KLF13: variants seen among roughly 807,000 people sequenced by gnomAD.
KLF13 encodes Krueppel-like factor 13.
KLF13 carries 8 observed loss-of-function variants against 16.7 expected under a neutral mutation model. The ratio of observed to expected loss-of-function variants is 0.48; its 90% CI spans 0.28 to 0.87. The LOEUF (loss-of-function observed/expected upper bound fraction) is 0.87, where lower values mean the gene tolerates loss of function less well. Among genes scored for constraint, KLF13 ranks in the 40% least tolerant of loss-of-function variants. KLF13 has a pLI of 0.10. For missense variants in KLF13, 447 were observed against 452.2 expected (o/e 0.99, Z 0.10); for synonymous variants, 245 against 208.4 (o/e 1.18, Z -1.51).
chr15:31,426,114 C>T (rs2040398292), intron 1 of KLF13, among the ~76,000 whole-genome samples: 1 of 152,170 alleles, frequency 6.6e-6, no homozygotes, highest in Non-Finnish European at 1.5e-5. Context: ...TCAGCCTGGA[C>T]TTTATTGTGC....
rs2039619066 is a variant in KLF13 at position 31,374,917 on chromosome 15, C to T, written c.*2618C>T. 1 of 152,516 alleles carries T rather than the reference C, an allele frequency of 6.6e-6. No individual in the cohort carries two copies. Among genetic ancestry groups the T allele is most frequent in the Admixed American group, 6.6e-5 (1 of 15,266 alleles). 9.4% of individuals were successfully genotyped at this position (152,516 alleles called of 1,614,324 possible). A position where few individuals can be genotyped will look rare whatever the true frequency, so the allele number is the denominator to read the frequency against. ...AAAGAGAGCACTTAATTTAATTTTTCCTTTAAATGACCCAGGGCTGTTCCG... is the reference window on the plus strand; with the variant it reads ...AAAGAGAGCACTTAATTTAATTTTTTCTTTAAATGACCCAGGGCTGTTCCG... On this transcript the variant is annotated 3_prime_UTR_variant, in exon 2 of 2. Coordinates refer to ENST00000307145, the MANE Select transcript of KLF13 (RefSeq NM_015995.4).
At chr15:31,339,777 A>G (rs1363937899) in intron 1 of KLF13, among the ~76,000 whole-genome samples, 1 of 152,192 alleles carries the variant, frequency 6.6e-6, no homozygotes, top group African/African-American at 2.4e-5. Flanking sequence ...CTGCTCACCT[A>G]GGTAGCCTGG....
chr15:31,333,672 G>C (rs1021962979), intron 1 of KLF13, among the ~76,000 whole-genome samples: 1 of 151,920 alleles, frequency 6.6e-6, no homozygotes, highest in East Asian at 1.9e-4. Flanking sequence ...TCCATATTCA[G>C]TTCCCCTAGT....
At chr15:31,362,654 T>C (rs8036705) in intron 1 of KLF13, among the ~76,000 whole-genome samples, 152,335 of 152,340 alleles carry the variant, frequency 1, 76,165 homozygotes, top group Non-Finnish European at 1. Context: ...TTGTGTGTTT[T>C]AGAATCTAAA....
At chr15:31,348,283 A>G (rs2039158276) in intron 1 of KLF13, among the ~76,000 whole-genome samples, 1 of 151,978 alleles carries the variant, frequency 6.6e-6, no homozygotes, top group Non-Finnish European at 1.5e-5. Context: ...TTGGTTTTGC[A>G]CTAAAGGGAC....
intron 1 of KLF13, among the ~76,000 whole-genome samples, chr15:31,340,418 G>A (rs765274726): frequency 6.6e-5 from 10 of 152,204 alleles, no homozygotes; most frequent in Non-Finnish European, 1.0e-4. Flanking sequence ...GCTCTCCTGC[G>A]GTTGGGTGGC....
intron 1 of KLF13, among the ~76,000 whole-genome samples, chr15:31,422,445 C>T (rs2040340090): frequency 6.6e-6 from 1 of 152,098 alleles, no homozygotes; most frequent in Non-Finnish European, 1.5e-5. Context: ...GCTTATAAAA[C>T]CATCAGATCT....
chr15:31,363,581 C>T (rs777819114), intron 1 of KLF13, among the ~76,000 whole-genome samples: 1 of 152,204 alleles, frequency 6.6e-6, no homozygotes, highest in African/African-American at 2.4e-5. Flanking sequence ...CTGCCTCCCA[C>T]GCTCAAGTGA....
At chr15:31,355,800 G>A (rs2039290396) in intron 1 of KLF13, among the ~76,000 whole-genome samples, 1 of 151,796 alleles carries the variant, frequency 6.6e-6, no homozygotes, top group South Asian at 2.1e-4. Flanking sequence ...TTTCTGCTTG[G>A]TTTTCCCAGT....
At chr15:31,342,031 C>T (rs1380594123) in intron 1 of KLF13, among the ~76,000 whole-genome samples, 1 of 152,198 alleles carries the variant, frequency 6.6e-6, no homozygotes, top group African/African-American at 2.4e-5. Context: ...TAACCAACCC[C>T]TCTCAGGTAC....
chr15:31,366,280 T>C (rs1203298586), intron 1 of KLF13: 1 of 149,712 alleles, frequency 6.7e-6, no homozygotes, highest in Non-Finnish European at 1.5e-5. Flanking sequence ...ACAGCCTCCC[T>C]TCAGGGCTCC....
chr15:31,398,890 C>T (rs1277013153), intron 2 of KLF13, among the ~76,000 whole-genome samples: 2 of 152,202 alleles, frequency 1.3e-5, no homozygotes, highest in East Asian at 3.9e-4. Context: ...GCCTACACAG[C>T]TCCCTTTGAT....
downstream of KLF13, among the ~76,000 whole-genome samples, chr15:31,405,169 G>T (rs145733001): frequency 7.0e-4 from 107 of 152,234 alleles, no homozygotes; most frequent in African/African-American, 1.9e-3. Flanking sequence ...GAAAACAAGA[G>T]CCTGCGTAGT....
At chr15:31,347,853 A>C (rs2039149339) in intron 1 of KLF13, among the ~76,000 whole-genome samples, 1 of 152,238 alleles carries the variant, frequency 6.6e-6, no homozygotes, top group African/African-American at 2.4e-5. Context: ...TAGTGGCTGC[A>C]GCGCTGGTGG....
intron 1 of KLF13, among the ~76,000 whole-genome samples, chr15:31,366,729 C>CCTCACTATGTGCCCCCCTGTG (rs1555376577): frequency 2.0e-5 from 3 of 150,170 alleles, no homozygotes; most frequent in Non-Finnish European, 4.5e-5. Flanking sequence ...TGGCCCCTCA[C>CCTCACTATGTGCCCCCCTGTG]CTCACTGTGT....
intron 1 of KLF13, among the ~76,000 whole-genome samples, chr15:31,344,539 G>A (rs1038428389): frequency 2.6e-5 from 4 of 152,220 alleles, no homozygotes; most frequent in Non-Finnish European, 5.9e-5. Context: ...ATGGCGAAAG[G>A]GTTCACCTGC....
At chr15:31,396,987 T>G (rs888825682) in intron 2 of KLF13, among the ~76,000 whole-genome samples, 2 of 152,028 alleles carry the variant, frequency 1.3e-5, no homozygotes, top group African/African-American at 4.8e-5. Flanking sequence ...TTAAGTCAGA[T>G]CTCGTTCACT....
intron 1 of KLF13, 140 bp downstream of exon 1, chr15:31,327,929 C>A (rs1024300949): frequency 1.0e-6 from 1 of 987,344 alleles, no homozygotes; most frequent in Non-Finnish European, 1.2e-6. Flanking sequence ...CCTTCCCCTG[C>A]CGCTCCGACC....
intron 1 of KLF13, among the ~76,000 whole-genome samples, chr15:31,365,397 C>T (rs1002080483): frequency 4.6e-5 from 7 of 152,150 alleles, no homozygotes; most frequent in Non-Finnish European, 1.0e-4. Context: ...CTTCCCTTCT[C>T]CCTTCCATGA....
Sources: gnomAD v4.1 joint callset for allele counts (sites outside exome capture counted in the v4.1 genomes callset) on GRCh38, gnomAD v4.1.1 for gene constraint, MANE v1.5 for transcripts, NCBI Gene and HGNC (gene_info 2026-07-23, HGNC 2026-07-21) for gene names.